DPP10: variants seen among roughly 807,000 people sequenced by gnomAD.
DPP10 encodes the protein inactive dipeptidyl peptidase 10.
Under a neutral mutation model 120.9 loss-of-function variants are expected in DPP10, and 33 were observed. The ratio of observed to expected loss-of-function variants is 0.27; its 90% CI spans 0.21 to 0.37. The LOEUF (loss-of-function observed/expected upper bound fraction) is 0.37. DPP10 is among the 10% of genes least tolerant of loss of function. DPP10 has a pLI of 1.00. For synonymous variants in DPP10, 337 were observed against 326.1 expected (o/e 1.03, Z -0.36); for missense variants, 816 against 942.8 (o/e 0.87, Z 1.76).
At chr2:114,887,096 T>A (rs1692136279) in intron 1 of DPP10, among the ~76,000 whole-genome samples, 1 of 152,200 alleles carries the variant, frequency 6.6e-6, no homozygotes, top group East Asian at 1.9e-4. Flanking sequence ...CCCAAATCTC[T>A]CCCAAGGCAC....
chr2:114,781,251 C>T (rs1029927987), intron 1 of DPP10, among the ~76,000 whole-genome samples: 3 of 152,092 alleles, frequency 2.0e-5, no homozygotes, highest in Non-Finnish European at 2.9e-5. Flanking sequence ...TCTAAATCCT[C>T]GTGATCACAT....
intron 19 of DPP10, among the ~76,000 whole-genome samples, chr2:115,794,990 TTG>T (rs1159229026): frequency 1.3e-5 from 2 of 152,276 alleles, no homozygotes; most frequent in Non-Finnish European, 2.9e-5. Context: ...TTATTTGGGT[TTG>T]TTCAGTCTAT....
chr2:114,494,653 A>T (rs549432122), intron 1 of DPP10, among the ~76,000 whole-genome samples: 1 of 152,304 alleles, frequency 6.6e-6, no homozygotes, highest in East Asian at 1.9e-4. Flanking sequence ...AGACAATGGG[A>T]CAATACTGGA....
intron 1 of DPP10, among the ~76,000 whole-genome samples, chr2:114,756,424 G>T (rs1323962659): frequency 6.6e-6 from 1 of 152,216 alleles, no homozygotes; most frequent in Non-Finnish European, 1.5e-5. Context: ...AAGCTGGTGA[G>T]GAGGAACACA....
intron 1 of DPP10, among the ~76,000 whole-genome samples, chr2:115,191,082 A>C (rs1477303967): frequency 6.6e-6 from 1 of 152,188 alleles, no homozygotes; most frequent in Non-Finnish European, 1.5e-5. Flanking sequence ...CCTATACTAT[A>C]GAAATGGCTT....
intron 21 of DPP10, among the ~76,000 whole-genome samples, chr2:115,833,454 C>A (rs1174142542): frequency 1.1e-4 from 16 of 152,140 alleles, no homozygotes; most frequent in Non-Finnish European, 2.1e-4. Context: ...GAACTAGGAA[C>A]AATATACTGG....
Position 114,842,408 on chromosome 2 carries a change from A to G in DPP10, c.60+399570A>G, listed in dbSNP as rs138393060. Among the ~76,000 whole-genome samples the G allele has an allele frequency of 2.0e-4, 31 of 152,214 alleles. No homozygotes were observed. The East Asian group carries it at 5.0e-3, about 25-fold the overall frequency. ...GCATATCCTTTTGGATTTCTTAGTCAATCATGAATTAGATGATCAGGAGAT... is the reference window on the plus strand; with the variant it reads ...GCATATCCTTTTGGATTTCTTAGTCGATCATGAATTAGATGATCAGGAGAT... On this transcript the variant is annotated intron_variant, in intron 1 of 25. Transcript: ENST00000410059.
At chr2:114,914,958 C>T (rs536893198) in intron 1 of DPP10, among the ~76,000 whole-genome samples, 2 of 152,088 alleles carry the variant, frequency 1.3e-5, no homozygotes, top group South Asian at 2.1e-4. Flanking sequence ...GGTGAAACCC[C>T]GTCTCTACTA....
At chr2:115,427,129 G>T (rs1256729494) in intron 3 of DPP10, among the ~76,000 whole-genome samples, 1 of 152,140 alleles carries the variant, frequency 6.6e-6, no homozygotes, top group Non-Finnish European at 1.5e-5. Context: ...GCTGCAAGGG[G>T]TGGGCTCCCA....
rs141747334 is a variant in DPP10 at position 115,791,226 on chromosome 2, G to A, written c.1630+47G>A. On this transcript the variant is annotated intron_variant, in intron 18 of 25. Coordinates refer to ENST00000410059, the MANE Select transcript of DPP10 (RefSeq NM_020868.6). ...GTTATTCAAGAACAACTTTCTCTGC[G>A]TCTTATAGTTTTACCTGCAAATGAC... 2.0e-3 allele frequency: 3,198 copies of A among 1,605,432 alleles called. 11 individuals carry two copies. Among genetic ancestry groups the A allele is most frequent in the Non-Finnish European group, 2.4e-3 (2,864 of 1,174,602 alleles).
intron 1 of DPP10, among the ~76,000 whole-genome samples, chr2:114,698,342 T>C (rs1700188266): frequency 6.6e-6 from 1 of 152,066 alleles, no homozygotes; most frequent in African/African-American, 2.4e-5. Flanking sequence ...GATGTTTCAG[T>C]GTCAGTAAAG....
In DPP10 at chr2:114,451,552, G is replaced by A. The variant is rs185467065; in HGVS notation, c.60+8714G>A. On this transcript the variant is annotated intron_variant, in intron 1 of 25. Coordinates refer to ENST00000410059, the MANE Select transcript of DPP10 (RefSeq NM_020868.6). ...AGGGAAAGAAAATAGTTCAGAAACAGAGAAAATGTGCAAAGATGAAGAAAA... is the reference window on the plus strand; with the variant it reads ...AGGGAAAGAAAATAGTTCAGAAACAAAGAAAATGTGCAAAGATGAAGAAAA... Among the ~76,000 whole-genome samples the A allele has an allele frequency of 2.0e-5, 3 of 152,168 alleles. No homozygotes were observed. In the East Asian group the frequency reaches 5.8e-4, roughly 29 times the overall value.
chr2:115,540,108 G>A (rs1053263153), intron 5 of DPP10, among the ~76,000 whole-genome samples: 4 of 151,788 alleles, frequency 2.6e-5, no homozygotes, highest in African/African-American at 9.7e-5. Flanking sequence ...TAGCCATGAG[G>A]TCAACACAGT....
At chr2:115,275,785 T>C (rs538067512) in intron 1 of DPP10, among the ~76,000 whole-genome samples, 15 of 150,936 alleles carry the variant, frequency 9.9e-5, no homozygotes, top group Non-Finnish European at 2.2e-4. Context: ...CTGCAAGCTC[T>C]GCCTCCCGGG....
intron 1 of DPP10, among the ~76,000 whole-genome samples, chr2:115,163,417 T>A (rs1343397131): frequency 2.6e-5 from 4 of 152,252 alleles, no homozygotes; most frequent in Admixed American, 2.6e-4. Flanking sequence ...CCTTCTCGTT[T>A]ATTAGTGGGA....
At chr2:115,433,033 G>C (rs2071148424) in intron 3 of DPP10, among the ~76,000 whole-genome samples, 1 of 152,080 alleles carries the variant, frequency 6.6e-6, no homozygotes, top group African/African-American at 2.4e-5. Context: ...CCTGAGAAAA[G>C]GGACTCTATT....
chr2:115,695,590 T>G (rs1185229627), intron 7 of DPP10, among the ~76,000 whole-genome samples: 3 of 152,126 alleles, frequency 2.0e-5, no homozygotes, highest in Non-Finnish European at 2.9e-5. Context: ...GAGAAAAACC[T>G]GCCCCCATGA....
chr2:114,477,723 A>ATATG (rs201797735), intron 1 of DPP10, among the ~76,000 whole-genome samples: 1 of 151,058 alleles, frequency 6.6e-6, no homozygotes, highest in African/African-American at 2.4e-5. Context: ...ATATATATAT[A>ATATG]CATATATACA....
intron 19 of DPP10, among the ~76,000 whole-genome samples, chr2:115,795,248 A>C (rs1684408630): frequency 6.6e-6 from 1 of 152,150 alleles, no homozygotes; most frequent in Non-Finnish European, 1.5e-5. Flanking sequence ...GCATCAGCTC[A>C]GGAGTTTATT....
Sources: allele counts gnomAD v4.1 joint callset (sites outside exome capture counted in the v4.1 genomes callset), GRCh38; gene constraint gnomAD v4.1.1; transcripts MANE v1.5; gene names NCBI Gene and HGNC (gene_info 2026-07-23, HGNC 2026-07-21).